Variants in CNTN5 observed in about 807,000 individuals in gnomAD.
The protein encoded by CNTN5 is contactin 5, also known as contactin-5.
CNTN5 carries 77 observed loss-of-function variants against 129.1 expected under a neutral mutation model. That is an observed-to-expected ratio of 0.60 (90% CI 0.50 to 0.72). The LOEUF is 0.72. Among genes scored for constraint, CNTN5 ranks in the 30% least tolerant of loss-of-function variants. The pLI is 0.00. For synonymous variants in CNTN5, 509 were observed against 465.6 expected (o/e 1.09, Z -1.20); for missense variants, 1,478 against 1,328.8 (o/e 1.11, Z -1.75).
intron 1 of CNTN5, among the ~76,000 whole-genome samples, chr11:99,254,768 G>T (rs956796954): frequency 1.3e-5 from 2 of 151,712 alleles, no homozygotes; most frequent in Non-Finnish European, 2.9e-5. Context: ...TTAACTTATT[G>T]TGGTCATTGA....
chr11:100,100,749 C>G (rs1356687141), intron 13 of CNTN5, among the ~76,000 whole-genome samples: 1 of 152,064 alleles, frequency 6.6e-6, no homozygotes, highest in Non-Finnish European at 1.5e-5. Flanking sequence ...ATATTCAGAA[C>G]AGTTTGCATC....
chr11:100,021,927 A>G (rs1941175517), intron 9 of CNTN5, among the ~76,000 whole-genome samples: 1 of 152,190 alleles, frequency 6.6e-6, no homozygotes, highest in African/African-American at 2.4e-5. Flanking sequence ...CAACCAGCAC[A>G]GGAGAAAGAT....
At chr11:99,966,850 C>T (rs1951108068) in intron 8 of CNTN5, among the ~76,000 whole-genome samples, 1 of 152,084 alleles carries the variant, frequency 6.6e-6, no homozygotes, top group South Asian at 2.1e-4. Context: ...TTATATGTTG[C>T]TTCCATTTTG....
At chr11:99,630,449 A>T (rs1482478535) in intron 3 of CNTN5, among the ~76,000 whole-genome samples, 1 of 151,930 alleles carries the variant, frequency 6.6e-6, no homozygotes, top group Non-Finnish European at 1.5e-5. Flanking sequence ...TTTTCTGACC[A>T]TGGATTCATA....
At position 100,211,840 on chromosome 11, in the gene CNTN5, A is replaced by G. The variant is rs552659048; in HGVS notation, c.1885-12852A>G. 5.9e-5 allele frequency among the ~76,000 whole-genome samples: 9 copies of G among 152,298 alleles called. No individual in the cohort carries two copies. In the South Asian group the frequency reaches 1.9e-3, roughly 32 times the overall value. ...ATCATTTGAACATATTAAAACTTGA[A>G]AGAAGAAAATAAAAACTACCTGGAA... On this transcript the variant is annotated intron_variant, in intron 15 of 24. Coordinates refer to ENST00000524871, the MANE Select transcript of CNTN5 (RefSeq NM_014361.4).
chr11:99,470,558 A>C (rs1445030751), intron 2 of CNTN5, among the ~76,000 whole-genome samples: 3 of 152,164 alleles, frequency 2.0e-5, no homozygotes, highest in Non-Finnish European at 4.4e-5. Flanking sequence ...TTTTTCAAGT[A>C]GAAAATCTGA....
chr11:100,253,791 C>G (rs1472561813), intron 16 of CNTN5, among the ~76,000 whole-genome samples: 1 of 152,068 alleles, frequency 6.6e-6, no homozygotes, highest in Non-Finnish European at 1.5e-5. Context: ...TTCATAAATC[C>G]TAGACCTTAT....
chr11:99,931,517 C>T (rs1021636152), intron 7 of CNTN5, among the ~76,000 whole-genome samples: 2 of 152,054 alleles, frequency 1.3e-5, no homozygotes, highest in African/African-American at 4.8e-5. Context: ...TGGATTTGAC[C>T]ACATAGTAAA....
At chr11:99,385,251 T>C (rs549391648) in intron 2 of CNTN5, among the ~76,000 whole-genome samples, 2 of 152,276 alleles carry the variant, frequency 1.3e-5, no homozygotes, top group East Asian at 3.9e-4. Context: ...CTTATTTCTC[T>C]ATCTAACTGA....
intron 2 of CNTN5, among the ~76,000 whole-genome samples, chr11:99,440,609 T>A (rs943361028): frequency 6.6e-6 from 1 of 152,216 alleles, no homozygotes; most frequent in African/African-American, 2.4e-5. Flanking sequence ...ACTTTGGTTC[T>A]CTGATGACTT....
chr11:99,516,051 C>T (rs1015663963), intron 2 of CNTN5, among the ~76,000 whole-genome samples: 2 of 151,384 alleles, frequency 1.3e-5, no homozygotes, highest in Non-Finnish European at 2.9e-5. Flanking sequence ...AACAGTGGTT[C>T]ACATATGATT....
At chr11:100,280,723 AT>A (rs1344693529) in intron 18 of CNTN5, among the ~76,000 whole-genome samples, 2 of 151,828 alleles carry the variant, frequency 1.3e-5, no homozygotes, top group East Asian at 1.9e-4. Flanking sequence ...CCATTTTATT[AT>A]TTGTTTTCTG....
intron 13 of CNTN5, among the ~76,000 whole-genome samples, chr11:100,113,183 A>G (rs553128726): frequency 2.5e-4 from 38 of 151,974 alleles, no homozygotes; most frequent in Admixed American, 3.9e-4. Context: ...GCCACTGTTG[A>G]ACATTTGGTA....
chr11:99,411,822 G>A (rs967773195), intron 2 of CNTN5, among the ~76,000 whole-genome samples: 2 of 152,120 alleles, frequency 1.3e-5, no homozygotes, highest in African/African-American at 2.4e-5. Flanking sequence ...TAAACCCATG[G>A]AACTCCAGTT....
At chr11:99,829,855 T>C (rs1293247046) in intron 4 of CNTN5, among the ~76,000 whole-genome samples, 1 of 152,184 alleles carries the variant, frequency 6.6e-6, no homozygotes, top group Admixed American at 6.5e-5. Flanking sequence ...CTCAGACACA[T>C]GCAGGATATA....
intron 3 of CNTN5, among the ~76,000 whole-genome samples, chr11:99,744,829 T>G (rs763786486): frequency 1.2e-4 from 18 of 151,860 alleles, no homozygotes; most frequent in Non-Finnish European, 2.6e-4. Flanking sequence ...ACAGAAGAAG[T>G]AAAGCACATA....
At chr11:99,816,187 T>A (rs1260662639) in intron 3 of CNTN5, among the ~76,000 whole-genome samples, 1 of 152,190 alleles carries the variant, frequency 6.6e-6, no homozygotes, top group Non-Finnish European at 1.5e-5. Flanking sequence ...ACTTTCCTAC[T>A]TTTTTCCTTC....
intron 1 of CNTN5, among the ~76,000 whole-genome samples, chr11:99,151,468 T>C (rs547718125): frequency 4.3e-4 from 65 of 152,322 alleles, no homozygotes; most frequent in African/African-American, 1.5e-3. Flanking sequence ...TTTAGATTTT[T>C]GGTTGAGAAA....
At chr11:99,960,062 TTTG>T (rs1490912977) in intron 8 of CNTN5, among the ~76,000 whole-genome samples, 4 of 152,294 alleles carry the variant, frequency 2.6e-5, no homozygotes, top group East Asian at 3.9e-4. Context: ...ACTTCCCTTT[TTTG>T]TTGTTGTTGT....
Sources: gnomAD v4.1 joint callset for allele counts (sites outside exome capture counted in the v4.1 genomes callset) on GRCh38, gnomAD v4.1.1 for gene constraint, MANE v1.5 for transcripts, NCBI Gene and HGNC (gene_info 2026-07-23, HGNC 2026-07-21) for gene names.